TG: variants seen among roughly 807,000 people sequenced by gnomAD.
TG encodes the protein thyroid hormones.
In TG, 270 loss-of-function variants were observed where a neutral mutation model predicts 324.7. The ratio of observed to expected loss-of-function variants is 0.83; its 90% CI spans 0.75 to 0.92. TG has a LOEUF of 0.92. Ranked by LOEUF, TG falls within the 40% of genes least tolerant of loss-of-function variation. The probability of loss-of-function intolerance (pLI) is 0.00; values close to 1 mark genes in which losing one functional copy is unlikely to be tolerated. For missense variants in TG, 3,591 were observed against 3,456.4 expected (o/e 1.04, Z -0.98); for synonymous variants, 1,401 against 1,327.0 (o/e 1.06, Z -1.21).
At chr8:133,106,874 C>T (rs1326729339) in intron 43 of TG, among the ~76,000 whole-genome samples, 1 of 152,178 alleles carries the variant, frequency 6.6e-6, no homozygotes. Context: ...CCTCGAGCTG[C>T]TCCTGGCATA....
At chr8:133,056,615 C>T (rs1041221623) in intron 41 of TG, among the ~76,000 whole-genome samples, 1 of 152,200 alleles carries the variant, frequency 6.6e-6, no homozygotes, top group South Asian at 2.1e-4. Flanking sequence ...GTCATTTAAG[C>T]TTCTTGTACC....
At position 132,873,237 on chromosome 8, in the gene TG, G is replaced by T; in HGVS notation, c.638+16G>T. ...GCTACAACAGGTAAGGGGAGCAGGG[G>T]TGTGCCAGTCACTGGGCCATCACCT... On this transcript the variant is annotated intron_variant, in intron 5 of 47. Coordinates refer to ENST00000220616, the MANE Select transcript of TG (RefSeq NM_003235.5). 2 of 1,613,888 alleles carry T rather than the reference G, an allele frequency of 1.2e-6. No individual in the cohort carries two copies. The highest frequency in any genetic ancestry group is 8.5e-7 in the Non-Finnish European group (1 of 1,179,930).
At chr8:133,001,957 T>C (rs1246193380) in intron 35 of TG, 2 of 985,358 alleles carry the variant, frequency 2.0e-6, no homozygotes, top group African/African-American at 3.5e-5. Flanking sequence ...CTCTTGGTTT[T>C]GATTGCGGGA....
At chr8:133,116,501 G>C (rs540091837) in intron 44 of TG, 108 bp from the exon 45 acceptor site, 9 of 878,686 alleles carry the variant, frequency 1.0e-5, no homozygotes, top group African/African-American at 1.7e-5. Flanking sequence ...GCCTGGCAGG[G>C]GTGGGTTGGG....
intron 18 of TG, among the ~76,000 whole-genome samples, chr8:132,910,391 AC>A (rs1275145416): frequency 2.6e-5 from 4 of 152,242 alleles, no homozygotes; most frequent in African/African-American, 9.6e-5. Context: ...CTCTCTAGGC[AC>A]CCAAGCTTTT....
chr8:132,893,614 G>T, intron 10 of TG, 76 bp from the exon 11 acceptor site: 1 of 1,602,730 alleles, frequency 6.2e-7, no homozygotes, highest in South Asian at 1.1e-5. Flanking sequence ...GTGCGTGAGG[G>T]CACACATGCT....
At chr8:133,085,062 G>C (rs530244933) in intron 41 of TG, among the ~76,000 whole-genome samples, 1 of 152,210 alleles carries the variant, frequency 6.6e-6, no homozygotes. Flanking sequence ...AGCATGTAAA[G>C]TGCTTGGAGC....
intron 34 of TG, among the ~76,000 whole-genome samples, chr8:132,979,157 G>A (rs1830526201): frequency 6.6e-6 from 1 of 152,146 alleles, no homozygotes; most frequent in Admixed American, 6.5e-5. Flanking sequence ...GTGGTGCGTG[G>A]AATAAGGGGC....
chr8:133,055,653 T>C (rs536077408), intron 41 of TG, among the ~76,000 whole-genome samples: 1 of 152,312 alleles, frequency 6.6e-6, no homozygotes, highest in African/African-American at 2.4e-5. Flanking sequence ...GTCTCAACTC[T>C]CTTAGATGCT....
intron 11 of TG, among the ~76,000 whole-genome samples, chr8:132,894,960 G>T (rs1816890124): frequency 6.6e-6 from 1 of 152,204 alleles, no homozygotes; most frequent in African/African-American, 2.4e-5. Flanking sequence ...AGTGGGCCTG[G>T]ATGGGAAGCC....
At chr8:133,073,523 A>G (rs1289899936) in intron 41 of TG, among the ~76,000 whole-genome samples, 1 of 152,246 alleles carries the variant, frequency 6.6e-6, no homozygotes, top group East Asian at 1.9e-4. Context: ...CACCAAGCCC[A>G]GCTAATTTTT....
At chr8:132,948,977 A>T in intron 27 of TG, 34 bp downstream of exon 27, 1 of 1,606,002 alleles carries the variant, frequency 6.2e-7, no homozygotes, top group Non-Finnish European at 8.5e-7. Flanking sequence ...ATTCTTTCAA[A>T]ATTACTCTTC....
At chr8:132,901,590 C>A (rs1258479875) in intron 16 of TG, 37 bp downstream of exon 16, 1 of 1,592,854 alleles carries the variant, frequency 6.3e-7, no homozygotes, top group South Asian at 1.1e-5. Flanking sequence ...ACGAGGCCTG[C>A]ATATCTGTTC....
chr8:133,056,351 C>T (rs1214588125), intron 41 of TG, among the ~76,000 whole-genome samples: 1 of 152,206 alleles, frequency 6.6e-6, no homozygotes, highest in Non-Finnish European at 1.5e-5. Flanking sequence ...AAAAAGGGAT[C>T]TGGTCCAAGA....
intron 26 of TG, 71 bp downstream of exon 26, chr8:132,941,613 C>T: frequency 6.3e-7 from 1 of 1,576,846 alleles, no homozygotes; most frequent in Non-Finnish European, 8.7e-7. Flanking sequence ...AGCCAGGACA[C>T]ACAACATGGA....
intron 5 of TG, among the ~76,000 whole-genome samples, chr8:132,876,324 G>T (rs1172031944): frequency 2.0e-5 from 3 of 152,132 alleles, no homozygotes; most frequent in African/African-American, 7.2e-5. Context: ...GTGAGGGTCG[G>T]GGGGAGTCAA....
chr8:132,984,328 T>A (rs1333624717), intron 35 of TG, among the ~76,000 whole-genome samples: 1 of 152,216 alleles, frequency 6.6e-6, no homozygotes, highest in Non-Finnish European at 1.5e-5. Context: ...CTCATATATG[T>A]TATTAGTTTC....
chr8:133,032,402 T>C (rs190981546), intron 41 of TG, among the ~76,000 whole-genome samples: 1 of 152,238 alleles, frequency 6.6e-6, no homozygotes, highest in East Asian at 1.9e-4. Context: ...AGACACTCAT[T>C]AGGACCCAGA....
Position 132,906,933 on chromosome 8 carries a change from C to G in TG, c.3847+33C>G, listed in dbSNP as rs62514139. On this transcript the variant is annotated intron_variant, in intron 17 of 47. Coordinates refer to ENST00000220616, the MANE Select transcript of TG (RefSeq NM_003235.5). The stretch of plus-strand genomic sequence containing the variant: ...GCATCAGAGCATCTATCCTGCACCC[C>G]GCTCCCTCTCAGGGCTAGGGCTGGG... 12 of 1,579,324 alleles carry G rather than the reference C, an allele frequency of 7.6e-6. No homozygotes were observed. The African/African-American group carries it at 1.1e-4, about 14-fold the overall frequency.
Sources: gnomAD v4.1 joint callset for allele counts (sites outside exome capture counted in the v4.1 genomes callset) on GRCh38, gnomAD v4.1.1 for gene constraint, MANE v1.5 for transcripts, NCBI Gene and HGNC (gene_info 2026-07-23, HGNC 2026-07-21) for gene names.